ULK4: variants seen among roughly 807,000 people sequenced by gnomAD.
The protein encoded by ULK4 is inactive serine/threonine-protein kinase ULK4.
ULK4 carries 133 observed loss-of-function variants against 160.6 expected under a neutral mutation model. That is an observed-to-expected ratio of 0.83 (90% CI 0.72 to 0.96). The LOEUF (loss-of-function observed/expected upper bound fraction) is 0.96. Ranked by LOEUF, ULK4 falls within the 40% of genes least tolerant of loss-of-function variation. The pLI, the probability that ULK4 is intolerant of heterozygous loss-of-function variation, is 0.00. For synonymous variants in ULK4, 534 were observed against 539.8 expected, an observed-to-expected ratio of 0.99 and a Z score of 0.15; for missense variants, 1,580 against 1,499.5, an observed-to-expected ratio of 1.05 and a Z score of -0.89.
intron 30 of ULK4, among the ~76,000 whole-genome samples, chr3:41,635,717 A>G (rs1299696972): frequency 1.3e-5 from 2 of 152,204 alleles, no homozygotes; most frequent in Admixed American, 6.5e-5. Flanking sequence ...ACAGAGGAAG[A>G]CACTGAGCCA....
chr3:41,435,003 G>A (rs576888734), intron 34 of ULK4, among the ~76,000 whole-genome samples: 1 of 152,112 alleles, frequency 6.6e-6, no homozygotes, highest in Non-Finnish European at 1.5e-5. Context: ...CAGCTTTGTG[G>A]TTTCATTTAC....
chr3:41,781,343 G>A (rs1182601762), intron 21 of ULK4, among the ~76,000 whole-genome samples: 1 of 151,448 alleles, frequency 6.6e-6, no homozygotes, highest in Non-Finnish European at 1.5e-5. Flanking sequence ...CGTGAACCCA[G>A]GAGGCGGAGC....
At chr3:41,683,364 CAT>C (rs1019575224) in intron 27 of ULK4, among the ~76,000 whole-genome samples, 17 of 152,096 alleles carry the variant, frequency 1.1e-4, no homozygotes, top group African/African-American at 4.1e-4. Context: ...TGGTCAGTAA[CAT>C]ATTCATTCAG....
chr3:41,453,171 G>GT lies in ULK4; in HGVS notation c.3492+2325dup, dbSNP rs1294726526. ...AACAGTGGTGAAATTGCGTTTTTTT[G>GT]TTTTTTGTTTTTTTGAGACAGGGTC... On this transcript the variant is annotated intron_variant, in intron 34 of 36. Coordinates refer to ENST00000301831, the MANE Select transcript of ULK4 (RefSeq NM_017886.4). Among the ~76,000 whole-genome samples, 17 of 152,176 alleles carry GT rather than the reference G, an allele frequency of 1.1e-4. No homozygotes were observed. In the East Asian group the frequency reaches 2.9e-3, roughly 26 times the overall value.
In ULK4 at chr3:41,629,465, T is replaced by C. The variant is rs1384926998; in HGVS notation, c.3072-13748A>G. On this transcript the variant is annotated intron_variant, in intron 30 of 36. Coordinates refer to ENST00000301831, the MANE Select transcript of ULK4 (RefSeq NM_017886.4). ...CTTTCAAAGAGAACCAGATGGCTTTTCTAACCTAGCTTTGGAGGTCATAAC... is the reference window on the plus strand; with the variant it reads ...CTTTCAAAGAGAACCAGATGGCTTTCCTAACCTAGCTTTGGAGGTCATAAC... Among the ~76,000 whole-genome samples the C allele has an allele frequency of 3.9e-5, 6 of 152,286 alleles. No individual in the cohort carries two copies. The East Asian group carries it at 5.8e-4, about 15-fold the overall frequency.
chr3:41,759,590 A>G (rs1040222486), intron 21 of ULK4, among the ~76,000 whole-genome samples: 1 of 152,212 alleles, frequency 6.6e-6, no homozygotes, highest in Non-Finnish European at 1.5e-5. Context: ...TGCAACTTCA[A>G]TCAAAATCCC....
At chr3:41,673,916 G>T (rs2035618788) in intron 29 of ULK4, among the ~76,000 whole-genome samples, 1 of 151,926 alleles carries the variant, frequency 6.6e-6, no homozygotes, top group South Asian at 2.1e-4. Flanking sequence ...GCTTTGTCTT[G>T]CCCACAGGAA....
At chr3:41,694,349 T>A (rs2036415264) in intron 27 of ULK4, among the ~76,000 whole-genome samples, 1 of 151,946 alleles carries the variant, frequency 6.6e-6, no homozygotes, top group Non-Finnish European at 1.5e-5. Context: ...CATAATTGAG[T>A]AGGAGCATCG....
In ULK4 at chr3:41,800,275, G is replaced by A. The variant is rs1399964174; in HGVS notation, c.1867C>T (p.His623Tyr). 1.9e-6 allele frequency: 3 copies of A among 1,612,206 alleles called. No homozygotes were observed. The highest frequency in any genetic ancestry group is 2.7e-5 in the African/African-American group (2 of 74,738). ...TTTTCAATAATTTTTGCTGCCATGT[G>A]ATTCACAACACGCTCTTCCTATAGA... ...LREGEERVVN[H>Y]MAAKIIENVC... Residue 623 changes from histidine to tyrosine, a missense_variant, in exon 20 of 37, where the codon CAC becomes TAC. Transcript: ENST00000301831.
At chr3:41,573,513 G>A (rs2088077456) in intron 31 of ULK4, among the ~76,000 whole-genome samples, 1 of 152,108 alleles carries the variant, frequency 6.6e-6, no homozygotes, top group South Asian at 2.1e-4. Flanking sequence ...AGTGAACCAT[G>A]GTCACTCTCT....
chr3:41,386,041 A>G (rs1307056281), intron 35 of ULK4, among the ~76,000 whole-genome samples: 2 of 152,204 alleles, frequency 1.3e-5, no homozygotes, highest in Admixed American at 6.5e-5. Flanking sequence ...GTATTCAGCC[A>G]TTCAGATCAT....
intron 18 of ULK4, among the ~76,000 whole-genome samples, chr3:41,824,609 T>G (rs558146573): frequency 6.6e-5 from 10 of 152,262 alleles, no homozygotes; most frequent in Non-Finnish European, 1.3e-4. Flanking sequence ...GCAGCAGCGA[T>G]GCTGGGGGAG....
chr3:41,611,967 A>C (rs2032701807), intron 31 of ULK4, among the ~76,000 whole-genome samples: 1 of 152,054 alleles, frequency 6.6e-6, no homozygotes, highest in Non-Finnish European at 1.5e-5. Context: ...TGGGTTCCAC[A>C]TCTGTGCATC....
At chr3:41,835,191 C>T (rs2041718013) in intron 18 of ULK4, among the ~76,000 whole-genome samples, 2 of 152,160 alleles carry the variant, frequency 1.3e-5, no homozygotes, top group Non-Finnish European at 1.5e-5. Flanking sequence ...GCCTGGGCAA[C>T]AGAGTGAGAC....
chr3:41,908,575 A>G (rs1698661115), intron 11 of ULK4, among the ~76,000 whole-genome samples: 1 of 151,944 alleles, frequency 6.6e-6, no homozygotes, highest in Non-Finnish European at 1.5e-5. Flanking sequence ...CCTCCCGAGT[A>G]GCTGGGATTA....
At chr3:41,919,572 A>C in intron 6 of ULK4, 145 bp downstream of exon 6, 1 of 644,240 alleles carries the variant, frequency 1.6e-6, no homozygotes, top group Middle Eastern at 4.6e-4. Flanking sequence ...ACTGCACTCC[A>C]GACTGGGTGA....
At chr3:41,575,730 G>A (rs2125620631) in intron 31 of ULK4, among the ~76,000 whole-genome samples, 1 of 152,368 alleles carries the variant, frequency 6.6e-6, no homozygotes, top group Non-Finnish European at 1.5e-5. Context: ...TCAGTATGCT[G>A]AGCTTGTCTT....
At chr3:41,618,531 A>G (rs770908941) in intron 30 of ULK4, among the ~76,000 whole-genome samples, 6 of 152,234 alleles carry the variant, frequency 3.9e-5, no homozygotes, top group African/African-American at 1.4e-4. Context: ...ACTAAGCTCC[A>G]TAAGTGAAGG....
intron 15 of ULK4, among the ~76,000 whole-genome samples, chr3:41,895,885 G>C (rs1698134919): frequency 6.6e-6 from 1 of 152,024 alleles, no homozygotes; most frequent in South Asian, 2.1e-4. Flanking sequence ...ATTTTTTCAA[G>C]CCAATTCCCA....
Sources: allele counts gnomAD v4.1 joint callset (sites outside exome capture counted in the v4.1 genomes callset), GRCh38; gene constraint gnomAD v4.1.1; transcripts MANE v1.5; gene names NCBI Gene and HGNC (gene_info 2026-07-23, HGNC 2026-07-21).